Variants in D2HGDH observed in about 807,000 individuals in gnomAD.
D2HGDH encodes D-2-hydroxyglutarate dehydrogenase, mitochondrial.
In D2HGDH, 31 loss-of-function variants were observed where a neutral mutation model predicts 46.9. The observed-to-expected ratio is 0.66, with a 90% CI of 0.50 to 0.89. The LOEUF is 0.89. D2HGDH is among the 40% of genes least tolerant of loss of function. The pLI, the probability that D2HGDH is intolerant of heterozygous loss-of-function variation, is 0.00. For missense variants in D2HGDH, 698 were observed against 720.8 expected (o/e 0.97, Z 0.36); for synonymous variants, 364 against 332.6 (o/e 1.09, Z -1.03).
intron 8 of D2HGDH, chr2:241,755,123 C>G (rs183029834): frequency 2.3e-6 from 3 of 1,304,070 alleles, no homozygotes; most frequent in South Asian, 2.5e-5. Flanking sequence ...GGATTTGGCC[C>G]GGTTCTGCTT....
chr2:241,755,933 G>C lies in D2HGDH; in HGVS notation c.1225G>C (p.Glu409Gln). Residue 409 changes from glutamate (E) to glutamine (Q), a missense_variant, in exon 9 of 10, where the codon GAG becomes CAG. Physicochemically the swap from Glu to Gln is conservative, Grantham distance 29 (BLOSUM62 2). Transcript: ENST00000321264. ...VYKYDLSLPV[E>Q]RLYDIVTDLR... The stretch of plus-strand genomic sequence containing the variant: ...CAAGTACGACCTCTCCCTCCCTGTG[G>C]AGCGGCTCTACGACATCGTGACTGA... 1 of 1,612,512 alleles carries C rather than the reference G, an allele frequency of 6.2e-7. No homozygotes were observed.
Position 241,767,922 on chromosome 2 carries a change from C to A in D2HGDH, c.1519C>A (p.Pro507Thr). ...LMQQLKALLDPKGILNPYKTL... is the reference protein window; with the variant it reads ...LMQQLKALLDTKGILNPYKTL... ...GCAGCAGCTCAAGGCCCTGCTGGAC[C>A]CCAAGGGCATCCTCAACCCCTACAA... Residue 507 changes from proline to threonine, a missense_variant, in exon 10 of 10, where the codon CCC becomes ACC. Pro to Thr is a conservative substitution (Grantham distance 38). Coordinates refer to ENST00000321264, the MANE Select transcript of D2HGDH (RefSeq NM_152783.5). 6.2e-7 allele frequency: 1 copy of A among 1,601,178 alleles called. No individual in the cohort carries two copies. Among genetic ancestry groups the A allele is most frequent in the Non-Finnish European group, 8.5e-7 (1 of 1,174,942 alleles).
intron 6 of D2HGDH, among the ~76,000 whole-genome samples, chr2:241,745,710 G>A (rs568656264): frequency 2.0e-5 from 3 of 152,174 alleles, no homozygotes; most frequent in Non-Finnish European, 4.4e-5. Context: ...GGATTATGTT[G>A]CAAACATATC....
intron 6 of D2HGDH, chr2:241,749,698 C>T (rs938765820): frequency 3.0e-5 from 10 of 331,146 alleles, no homozygotes; most frequent in Non-Finnish European, 5.3e-5. Flanking sequence ...ACTGCCGTCT[C>T]AGGTGCTGTG....
chr2:241,761,143 A>G (rs775813997), intron 9 of D2HGDH, among the ~76,000 whole-genome samples: 3 of 152,202 alleles, frequency 2.0e-5, no homozygotes, highest in African/African-American at 7.2e-5. Context: ...AAAAATAACA[A>G]TACAACAATA....
Position 241,751,387 on chromosome 2 carries a change from A to C in D2HGDH, c.1139A>C (p.Lys380Thr). 6.2e-7 allele frequency: 1 copy of C among 1,613,258 alleles called. No homozygotes were observed. The highest frequency in any genetic ancestry group is 8.5e-7 in the Non-Finnish European group (1 of 1,180,008). Residue 380 changes from lysine to threonine, a missense_variant and splice_region_variant, in exon 8 of 10, where the codon AAG (lysine) becomes ACG (threonine). Coordinates refer to ENST00000321264, the MANE Select transcript of D2HGDH (RefSeq NM_152783.5). ...ATGGCCACCGACCAGAGGAAAGTCA[A>C]GGTGCCCTGTGTCCTGCTTGCAGGT... The part of the protein sequence containing the change: ...GTMATDQRKV[K>T]MLWALRERIT...
rs1482827548 is a variant in D2HGDH, at chr2:241,755,259, C to T, written c.1141-590C>T. ...TCCCCCGTGGCCCACCCACCATGTCCTTCCCTCCCCTGTGGCCCACCCGCC... is the reference window on the plus strand; with the variant it reads ...TCCCCCGTGGCCCACCCACCATGTCTTTCCCTCCCCTGTGGCCCACCCGCC... On this transcript the variant is annotated intron_variant, in intron 8 of 9. Transcript: ENST00000321264. 4.0e-6 allele frequency: 5 copies of T among 1,261,262 alleles called. No homozygotes were observed. In the South Asian group the frequency reaches 6.4e-5, roughly 16 times the overall value. The allele number at this position is 1,261,262 out of a possible 1,614,324, so 78.1% of individuals were successfully genotyped here.
intron 6 of D2HGDH, among the ~76,000 whole-genome samples, chr2:241,748,585 C>T (rs1696482586): frequency 1.3e-5 from 2 of 152,238 alleles, no homozygotes; most frequent in African/African-American, 4.8e-5. Context: ...ACCATGGCTG[C>T]CACTGTCCTC....
In D2HGDH at chr2:241,735,247, C is replaced by A; in HGVS notation, c.23C>A (p.Ala8Glu). MLPRRPL[A>E]WPAWLLRGAP... ...GCGATGCTGCCCCGTCGGCCTCTGG[C>A]GTGGCCCGCGTGGCTGTTGCGGGGT... The change falls in exon 2 of 10, where the codon GCG becomes GAG. Residue 8 changes from alanine to glutamate, a missense_variant. Physicochemically the swap from Ala to Glu is moderately radical, Grantham distance 107 (BLOSUM62 -1). Transcript: ENST00000321264. The A allele has an allele frequency of 6.6e-7, 1 of 1,516,208 alleles. No individual in the cohort carries two copies. The highest frequency in any genetic ancestry group is 8.8e-7 in the Non-Finnish European group (1 of 1,140,228). 93.9% of individuals were successfully genotyped at this position (1,516,208 alleles called of 1,614,324 possible).
chr2:241,760,402 T>A (rs1331045519), intron 9 of D2HGDH, among the ~76,000 whole-genome samples: 4 of 148,774 alleles, frequency 2.7e-5, no homozygotes, highest in Non-Finnish European at 5.9e-5. Context: ...GGGTGGGCCT[T>A]ACCCAATCAG....
In D2HGDH at chr2:241,744,980, C is replaced by CA. The variant is rs1559365339; in HGVS notation, c.853+103_853+104insA. The CA allele has an allele frequency of 2.7e-6, 4 of 1,483,818 alleles. No individual in the cohort carries two copies. In the Admixed American group the frequency reaches 7.1e-5, roughly 26 times the overall value. The allele number at this position is 1,483,818 out of a possible 1,614,324, so 91.9% of individuals were successfully genotyped here. ...AGGAAGGGGATGGAGGGACCCCCCG[C>CA]CAAGGACAGTCGGTTCCCGTGTCTC... On this transcript the variant is annotated intron_variant, in intron 6 of 9. Coordinates refer to ENST00000321264, the MANE Select transcript of D2HGDH (RefSeq NM_152783.5).
Position 241,767,895 on chromosome 2 carries a change from A to T in D2HGDH, c.1492A>T (p.Met498Leu). ...CAAGCCACCGGGGGCCCTGCAGCTC[A>T]TGCAGCAGCTCAAGGCCCTGCTGGA... ...YSKPPGALQL[M>L]QQLKALLDPK... is the part of the protein sequence containing the mutation. The change falls in exon 10 of 10, where the codon ATG becomes TTG. Residue 498 changes from methionine (M) to leucine (L), a missense_variant. Transcript: ENST00000321264. The T allele has an allele frequency of 6.2e-7, 1 of 1,606,482 alleles. No homozygotes were observed. Among genetic ancestry groups the T allele is most frequent in the Non-Finnish European group, 8.5e-7 (1 of 1,176,912 alleles).
intron 2 of D2HGDH, 79 bp from the exon 3 acceptor site, chr2:241,740,954 C>T (rs1469831341): frequency 5.7e-6 from 7 of 1,217,738 alleles, no homozygotes; most frequent in East Asian, 2.4e-5. Flanking sequence ...AAAAAAAACT[C>T]GCTCTCTGGG....
intron 6 of D2HGDH, chr2:241,749,840 C>T: frequency 2.4e-6 from 1 of 419,768 alleles, no homozygotes; most frequent in East Asian, 5.2e-5. Flanking sequence ...CTGGTGGTGA[C>T]ACCAGGCGTG....
At position 241,743,929 on chromosome 2, in the gene D2HGDH, GT is replaced by G; in HGVS notation, c.684+116del. 1 of 1,233,474 alleles carries G rather than the reference GT, an allele frequency of 8.1e-7. No homozygotes were observed. Among genetic ancestry groups the G allele is most frequent in the Non-Finnish European group, 1.1e-6 (1 of 878,600 alleles). The allele number at this position is 1,233,474 out of a possible 1,614,324, so 76.4% of individuals were successfully genotyped here. Reference sequence around the variant, plus strand: ...GGGCCCCTCGGGGTGGGAGGTCTTGGTTCCTGGCCCTGGGCCCCTCAAGGAT... The same window carrying G: ...GGGCCCCTCGGGGTGGGAGGTCTTGGTCCTGGCCCTGGGCCCCTCAAGGAT... On this transcript the variant is annotated intron_variant, in intron 5 of 9. Coordinates refer to ENST00000321264, the MANE Select transcript of D2HGDH (RefSeq NM_152783.5). This position sits in a 1 kb window ranked among gnomAD's most constrained non-coding sequence, Gnocchi z 4.8.
At chr2:241,756,224 C>G (rs1698164018) in intron 9 of D2HGDH, among the ~76,000 whole-genome samples, 1 of 152,258 alleles carries the variant, frequency 6.6e-6, no homozygotes, top group South Asian at 2.1e-4. Flanking sequence ...TTGGAAAAGA[C>G]TGCCATCGTG....
intron 8 of D2HGDH, among the ~76,000 whole-genome samples, chr2:241,753,934 A>G (rs903244757): frequency 1.3e-5 from 2 of 152,172 alleles, no homozygotes; most frequent in African/African-American, 4.8e-5. Flanking sequence ...AGGGCCAGGC[A>G]GGGTCATGGG....
rs563719960 is a variant in D2HGDH at position 241,738,768 on chromosome 2, G to A, written c.293-2265G>A. Among the ~76,000 whole-genome samples the A allele has an allele frequency of 3.3e-5, 5 of 152,316 alleles. No homozygotes were observed. The South Asian group carries it at 6.2e-4, about 19-fold the overall frequency. On this transcript the variant is annotated intron_variant, in intron 2 of 9. Transcript: ENST00000321264. ...CCTGTGGGAGGGCGCCTTCCTCTGCGTCCTGCTGCCCCGAGTTTGGTGAGG... is the reference window on the plus strand; with the variant it reads ...CCTGTGGGAGGGCGCCTTCCTCTGCATCCTGCTGCCCCGAGTTTGGTGAGG...
rs188919148 is a variant in D2HGDH, at chr2:241,768,052, G to A, written c.*83G>A. 339 of 1,487,580 alleles carry A rather than the reference G, an allele frequency of 2.3e-4. 1 individual carries two copies. The African/African-American group carries it at 4.0e-3, about 18-fold the overall frequency. 92.1% of individuals were successfully genotyped at this position (1,487,580 alleles called of 1,614,324 possible). ...GGGTGTTGCGGTGGCTCTGAGGGAT[G>A]AGCCGGCAGTGGGCAGGGGACCAGG... On this transcript the variant is annotated 3_prime_UTR_variant, in exon 10 of 10. Transcript: ENST00000321264.
Sources: allele counts gnomAD v4.1 joint callset (sites outside exome capture counted in the v4.1 genomes callset), GRCh38; gene constraint gnomAD v4.1.1; non-coding constraint Gnocchi (gnomAD v3.1); transcripts MANE v1.5; gene names NCBI Gene and HGNC (gene_info 2026-07-23, HGNC 2026-07-21).